Variants in GNE observed in about 807,000 individuals in gnomAD.
GNE encodes glucosamine (UDP-N-acetyl)-2-epimerase/N-acetylmannosamine kinase.
In GNE, 41 loss-of-function variants were observed where a neutral mutation model predicts 61.8. That is an observed-to-expected ratio of 0.66 (90% CI 0.52 to 0.86). GNE has a LOEUF of 0.86. Among genes scored for constraint, GNE ranks in the 40% least tolerant of loss-of-function variants. The pLI is 0.00. For missense variants in GNE, 608 were observed against 909.1 expected, an observed-to-expected ratio of 0.67 and a Z score of 4.26; for synonymous variants, 264 against 326.4, an observed-to-expected ratio of 0.81 and a Z score of 2.06.
intron 4 of GNE, among the ~76,000 whole-genome samples, chr9:36,235,624 A>C (rs7851602): frequency 0.5 from 75,592 of 152,042 alleles, 19,929 homozygotes; most frequent in Non-Finnish European, 0.6. Context: ...AAAAATTTAA[A>C]GGTCAGAAAA....
At chr9:36,260,312 AAAT>A (rs1260342049), upstream of GNE, among the ~76,000 whole-genome samples, 136 of 151,546 alleles carry the variant, frequency 9.0e-4, no homozygotes, top group African/African-American at 3.0e-3. Context: ...AGAAAGAAAG[AAAT>A]GACTTCCAGG....
chr9:36,275,039 T>G (rs1222165145), intron 1 of GNE, among the ~76,000 whole-genome samples: 1 of 152,192 alleles, frequency 6.6e-6, no homozygotes, highest in Non-Finnish European at 1.5e-5. Context: ...CACAATCATT[T>G]AAAATGATTC....
chr9:36,239,871 C>T (rs1297470121), intron 3 of GNE, among the ~76,000 whole-genome samples: 2 of 151,504 alleles, frequency 1.3e-5, no homozygotes, highest in African/African-American at 4.8e-5. Flanking sequence ...TTTTATATTT[C>T]ATTTTATTAT....
intron 1 of GNE, chr9:36,263,580 A>G (rs77158685): frequency 0.072 from 11,009 of 152,398 alleles, 436 homozygotes; most frequent in Non-Finnish European, 0.093. Flanking sequence ...GAGATTTTAA[A>G]AGACATCTTC....
chr9:36,246,437 G>C lies in GNE; in HGVS notation c.210C>G (p.Thr70=). ...MIEQDDFDIN[T]RLHTIVRGED... is the part of the protein sequence containing the mutation. Reference sequence around the variant, plus strand: ...CTCCCCTCACAATTGTGTGTAGCCTGGTGTTAATGTCAAAGTCATCTTGTT... The same window carrying C: ...CTCCCCTCACAATTGTGTGTAGCCTCGTGTTAATGTCAAAGTCATCTTGTT... The change falls in exon 3 of 12, where the codon ACC becomes ACG. Residue 70 remains threonine, a synonymous_variant. Coordinates refer to ENST00000642385, the MANE Select transcript of GNE (RefSeq NM_005476.7). 1 of 1,613,794 alleles carries C rather than the reference G, an allele frequency of 6.2e-7. No individual in the cohort carries two copies. Among genetic ancestry groups the C allele is most frequent in the Non-Finnish European group, 8.5e-7 (1 of 1,179,830 alleles).
At chr9:36,234,198 A>C in intron 4 of GNE, 66 bp from the exon 5 acceptor site, 2 of 1,219,284 alleles carry the variant, frequency 1.6e-6, no homozygotes, top group Non-Finnish European at 2.4e-6. Context: ...TTCATTGGCA[A>C]GTATAGCCCA....
rs754048020 is a variant in GNE, at chr9:36,219,843, T to C, written c.1811A>G (p.His604Arg). Reference protein sequence around the residue: ...MALQREAKKLHDEDLLLVEGM... With the variant: ...MALQREAKKLRDEDLLLVEGM... Reference sequence around the variant, plus strand: ...CTCGAGAGAGGGACACCAACCATCATGGAGCTTTTTTGCCTCCCTCTGCAA... The same window carrying C: ...CTCGAGAGAGGGACACCAACCATCACGGAGCTTTTTTGCCTCCCTCTGCAA... Residue 604 changes from histidine to arginine, a missense_variant, in exon 10 of 12, where the codon CAT (histidine) becomes CGT (arginine). Coordinates refer to ENST00000642385, the MANE Select transcript of GNE (RefSeq NM_005476.7). 3 of 1,614,058 alleles carry C rather than the reference T, an allele frequency of 1.9e-6. No homozygotes were observed. The highest frequency in any genetic ancestry group is 2.2e-5 in the East Asian group (1 of 44,890).
chr9:36,217,250 A>G lies in GNE; in HGVS notation c.*115T>C. On this transcript the variant is annotated 3_prime_UTR_variant, in exon 12 of 12. Coordinates refer to ENST00000642385, the MANE Select transcript of GNE (RefSeq NM_005476.7). ...CAAAAGTGAAAACATTTCTCTGCCA[A>G]AGTCACCTGCAGTTCAATACCAGAT... 1 of 758,984 alleles carries G rather than the reference A, an allele frequency of 1.3e-6. No homozygotes were observed. Among genetic ancestry groups the G allele is most frequent in the Non-Finnish European group, 2.3e-6 (1 of 434,414 alleles). 47.0% of individuals were successfully genotyped at this position (758,984 alleles called of 1,614,324 possible).
intron 3 of GNE, among the ~76,000 whole-genome samples, chr9:36,238,123 T>TAC (rs201513947): frequency 0.029 from 3,780 of 129,078 alleles, 145 homozygotes; most frequent in African/African-American, 0.087. Flanking sequence ...TATATATAGA[T>TAC]ACACACACAC....
intron 1 of GNE, among the ~76,000 whole-genome samples, chr9:36,272,497 T>G (rs1017233001): frequency 8.6e-5 from 13 of 151,624 alleles, no homozygotes; most frequent in African/African-American, 3.2e-4. Context: ...GGCGGGCCCC[T>G]GTAGTCCCAG....
chr9:36,221,125 A>G (rs1828567404), intron 9 of GNE, among the ~76,000 whole-genome samples: 1 of 152,208 alleles, frequency 6.6e-6, no homozygotes, highest in Admixed American at 6.5e-5. Flanking sequence ...GTTCAAGACC[A>G]GCCTGACCAA....
intron 3 of GNE, among the ~76,000 whole-genome samples, chr9:36,238,340 G>A (rs1333873315): frequency 8.5e-5 from 13 of 152,106 alleles, no homozygotes; most frequent in Admixed American, 5.2e-4. Flanking sequence ...TTTCCATAGC[G>A]GCTGTACTAG....
At chr9:36,221,536 A>T (rs755708505) in intron 9 of GNE, among the ~76,000 whole-genome samples, 45 of 152,174 alleles carry the variant, frequency 3.0e-4, no homozygotes, top group Non-Finnish European at 6.0e-4. Context: ...GGGATGTCAT[A>T]AAAAAATGAC....
chr9:36,267,021 G>A (rs147230098), intron 1 of GNE, among the ~76,000 whole-genome samples: 234 of 152,298 alleles, frequency 1.5e-3, no homozygotes, highest in Non-Finnish European at 2.5e-3. Flanking sequence ...AGCCGAGATC[G>A]TGCCACTGCA....
chr9:36,224,128 C>G (rs1828745625), intron 7 of GNE, among the ~76,000 whole-genome samples: 1 of 151,972 alleles, frequency 6.6e-6, no homozygotes, highest in African/African-American at 2.4e-5. Flanking sequence ...TTTACTCTTT[C>G]AGGTTGACAA....
chr9:36,232,670 C>T (rs566764865), intron 5 of GNE, among the ~76,000 whole-genome samples: 2 of 152,178 alleles, frequency 1.3e-5, no homozygotes, highest in Non-Finnish European at 2.9e-5. Context: ...CTTAAAGAGG[C>T]CTTCCTTTAA....
intron 4 of GNE, among the ~76,000 whole-genome samples, chr9:36,234,360 A>G (rs1346806781): frequency 6.6e-6 from 1 of 152,216 alleles, no homozygotes; most frequent in African/African-American, 2.4e-5. Context: ...CTTTTCAAAC[A>G]GAACTAGGCA....
intron 2 of GNE, among the ~76,000 whole-genome samples, chr9:36,247,290 C>T (rs1349472196): frequency 2.6e-5 from 4 of 151,778 alleles, no homozygotes; most frequent in Non-Finnish European, 4.4e-5. Flanking sequence ...CTCTTGACCT[C>T]GTGATCCGCC....
intron 1 of GNE, among the ~76,000 whole-genome samples, chr9:36,253,688 GGCCATCA>G (rs2133144246): frequency 6.6e-6 from 1 of 152,180 alleles, no homozygotes; most frequent in South Asian, 2.1e-4. Context: ...GGAAATTGCT[GGCCATCA>G]GCTTTTCAAA....
Sources: gnomAD v4.1 joint callset for allele counts (sites outside exome capture counted in the v4.1 genomes callset) on GRCh38, gnomAD v4.1.1 for gene constraint, MANE v1.5 for transcripts, NCBI Gene and HGNC (gene_info 2026-07-23, HGNC 2026-07-21) for gene names.